The following MAML2 variants were observed in gnomAD, a reference collection of about 807,000 sequenced individuals.
The protein encoded by MAML2 is mastermind like transcriptional coactivator 2, also known as mastermind-like protein 2.
A neutral mutation model predicts 96.1 loss-of-function variants in MAML2; 22 were observed. The ratio of observed to expected loss-of-function variants is 0.23; its 90% CI spans 0.16 to 0.33. The LOEUF (loss-of-function observed/expected upper bound fraction) is 0.33. Ranked by LOEUF, MAML2 falls within the 10% of genes least tolerant of loss-of-function variation. The pLI is 1.00. For synonymous variants in MAML2, 561 were observed against 521.3 expected (o/e 1.08, Z -1.04); for missense variants, 1,367 against 1,392.4 (o/e 0.98, Z 0.29).
chr11:96,262,467 CTT>C (rs200340735), intron 1 of MAML2, among the ~76,000 whole-genome samples: 3 of 147,824 alleles, frequency 2.0e-5, no homozygotes, highest in African/African-American at 7.5e-5. Flanking sequence ...AAAATTTAAT[CTT>C]TTTTTTTTTC....
chr11:96,334,859 G>C (rs188194082), intron 1 of MAML2, among the ~76,000 whole-genome samples: 4 of 152,300 alleles, frequency 2.6e-5, no homozygotes, highest in African/African-American at 9.6e-5. Flanking sequence ...CATTCCTTCA[G>C]TAATTTGGCT....
At chr11:96,159,429 T>TTTTTTTTTTTTTTC (rs1591046203) in intron 1 of MAML2, among the ~76,000 whole-genome samples, 1 of 141,896 alleles carries the variant, frequency 7.0e-6, no homozygotes, top group African/African-American at 2.6e-5. Context: ...TTTTTTTTTT[T>TTTTTTTTTTTTTTC]TGAGACGGAG....
chr11:96,312,970 C>A (rs1863565347), intron 1 of MAML2, among the ~76,000 whole-genome samples: 1 of 152,186 alleles, frequency 6.6e-6, no homozygotes, highest in Admixed American at 6.5e-5. Flanking sequence ...ATTGGGAAGA[C>A]AACTATATTT....
intron 2 of MAML2, among the ~76,000 whole-genome samples, chr11:96,014,616 T>G (rs544982413): frequency 3.1e-4 from 47 of 152,372 alleles, no homozygotes; most frequent in African/African-American, 1.1e-3. Context: ...TAACTGGTTC[T>G]GTGTTATCTC....
intron 1 of MAML2, among the ~76,000 whole-genome samples, chr11:96,304,857 CTATGTTATGCTGTT>C (rs1863442632): frequency 6.6e-6 from 1 of 152,184 alleles, no homozygotes; most frequent in African/African-American, 2.4e-5. Flanking sequence ...TGTGTTTATG[CTATGTTATGCTGTT>C]TATGTTTCTT....
rs114956751 is a variant in MAML2, at chr11:96,334,265, A to G, written c.513+7118T>C. On this transcript the variant is annotated intron_variant, in intron 1 of 4. Transcript: ENST00000524717. ...AACACAATTCTGGGCTGGGAAACCT[A>G]TGAATCTGATTCAGGTATGTTACTT... is the stretch of plus-strand genomic sequence containing the variant. 5.0e-3 allele frequency among the ~76,000 whole-genome samples: 765 copies of G among 152,340 alleles called. 6 individuals are homozygous for G. The highest frequency in any genetic ancestry group is 0.017 in the African/African-American group (719 of 41,578).
chr11:96,037,023 C>T (rs1426833685), intron 2 of MAML2, among the ~76,000 whole-genome samples: 1 of 152,140 alleles, frequency 6.6e-6, no homozygotes, highest in East Asian at 1.9e-4. Context: ...TCTGAGAATA[C>T]CGCCTAGGTT....
At chr11:96,292,863 C>T (rs1863233858) in intron 1 of MAML2, among the ~76,000 whole-genome samples, 1 of 151,564 alleles carries the variant, frequency 6.6e-6, no homozygotes, top group Admixed American at 6.6e-5. Context: ...AAATAGGGAG[C>T]AAAGTCTAGC....
intron 1 of MAML2, among the ~76,000 whole-genome samples, chr11:96,172,632 A>G (rs1250692428): frequency 6.6e-6 from 1 of 152,200 alleles, no homozygotes; most frequent in Non-Finnish European, 1.5e-5. Flanking sequence ...TGAAAACACA[A>G]TATGAGTAGT....
At chr11:96,321,782 G>A (rs924997660) in intron 1 of MAML2, among the ~76,000 whole-genome samples, 1 of 152,184 alleles carries the variant, frequency 6.6e-6, no homozygotes, top group African/African-American at 2.4e-5. Flanking sequence ...CCCTCCACAT[G>A]TGTTTAATGG....
At chr11:96,269,216 G>A (rs935633342) in intron 1 of MAML2, among the ~76,000 whole-genome samples, 1 of 144,686 alleles carries the variant, frequency 6.9e-6, no homozygotes, top group African/African-American at 2.7e-5. Flanking sequence ...TACTGCATCA[G>A]GTAAGGGATT....
In MAML2 at chr11:96,064,885, A is replaced by T. The variant is rs769632103; in HGVS notation, c.2139+27007T>A. Among the ~76,000 whole-genome samples, 8 of 152,342 alleles carry T rather than the reference A, an allele frequency of 5.3e-5. No individual in the cohort carries two copies. In the East Asian group the frequency reaches 1.3e-3, roughly 26 times the overall value. ...AACAACTGATTTTTTCTCGCTTTTC[A>T]TATAGAAGTTTTATATTTTATAAAC... On this transcript the variant is annotated intron_variant, in intron 2 of 4. Transcript: ENST00000524717.
chr11:96,051,210 A>G (rs2135767803), intron 2 of MAML2, among the ~76,000 whole-genome samples: 1 of 152,278 alleles, frequency 6.6e-6, no homozygotes, highest in South Asian at 2.1e-4. Flanking sequence ...TAGAATCTAC[A>G]ATGTGGTAAG....
At chr11:96,150,157 C>T (rs755241087) in intron 1 of MAML2, among the ~76,000 whole-genome samples, 5 of 152,188 alleles carry the variant, frequency 3.3e-5, no homozygotes, top group Middle Eastern at 3.2e-3. Context: ...TTATTGCCAT[C>T]ACAGCAAGAA....
intron 1 of MAML2, among the ~76,000 whole-genome samples, chr11:96,164,897 A>T (rs545797768): frequency 6.6e-6 from 1 of 152,344 alleles, no homozygotes; most frequent in Non-Finnish European, 1.5e-5. Context: ...TTTCCTCTTC[A>T]TTGAACTTGT....
chr11:96,331,112 A>T (rs907164068), intron 1 of MAML2, among the ~76,000 whole-genome samples: 1 of 152,102 alleles, frequency 6.6e-6, no homozygotes, highest in Non-Finnish European at 1.5e-5. Context: ...TCAACAAAAA[A>T]ATACTAAAAT....
rs200613709 is a variant in MAML2 at position 96,029,198 on chromosome 11, A to AT, written c.2140-37476_2140-37475insA. ...TTTTTTTTAACATCAAATAATAATA[A>AT]AAAAAAAACTTTGTTGAAGGACTGT... is the stretch of plus-strand genomic sequence containing the variant. On this transcript the variant is annotated intron_variant, in intron 2 of 4. Transcript: ENST00000524717. 3.6e-3 allele frequency among the ~76,000 whole-genome samples: 537 copies of AT among 151,060 alleles called. 2 individuals carry two copies. Among genetic ancestry groups the AT allele is most frequent in the African/African-American group, 0.012 (514 of 41,202 alleles).
At chr11:96,018,531 G>C (rs778258533) in intron 2 of MAML2, among the ~76,000 whole-genome samples, 1 of 152,194 alleles carries the variant, frequency 6.6e-6, no homozygotes, top group Non-Finnish European at 1.5e-5. Context: ...GCAAAGGAGA[G>C]TGCAAACCAT....
At position 95,977,963 on chromosome 11, in the gene MAML2, T is replaced by A. The variant is rs554500756; in HGVS notation, c.*985A>T. The A allele has an allele frequency of 1.2e-4, 27 of 222,772 alleles. No individual in the cohort carries two copies. Among genetic ancestry groups the A allele is most frequent in the African/African-American group, 6.0e-4 (27 of 44,884 alleles). The allele number at this position is 222,772 out of a possible 1,614,324, so 13.8% of individuals were successfully genotyped here. A position where few individuals can be genotyped will look rare whatever the true frequency, so the allele number is the denominator to read the frequency against. ...AAAACATGATATTTTCTAATCTCGG[T>A]TTTCTTCTCCAAACTTCCTTTTCTT... is the stretch of plus-strand genomic sequence containing the variant. On this transcript the variant is annotated 3_prime_UTR_variant, in exon 5 of 5. Transcript: ENST00000524717.
Sources: allele counts gnomAD v4.1 joint callset (sites outside exome capture counted in the v4.1 genomes callset), GRCh38; gene constraint gnomAD v4.1.1; transcripts MANE v1.5; gene names NCBI Gene and HGNC (gene_info 2026-07-23, HGNC 2026-07-21).